CCDC149: variants seen among roughly 807,000 people sequenced by gnomAD.
CCDC149 encodes coiled-coil domain containing 149.
CCDC149 carries 45 observed loss-of-function variants against 59.9 expected under a neutral mutation model. The observed-to-expected ratio is 0.75, with a 90% confidence interval of 0.59 to 0.96. The LOEUF is 0.96. Ranked by LOEUF, CCDC149 falls within the 40% of genes least tolerant of loss-of-function variation. The probability of loss-of-function intolerance (pLI) is 0.00; values close to 1 mark genes in which losing one functional copy is unlikely to be tolerated. For synonymous variants in CCDC149, 245 were observed against 260.6 expected, an observed-to-expected ratio of 0.94 and a Z score of 0.58; for missense variants, 584 against 664.7, an observed-to-expected ratio of 0.88 and a Z score of 1.33.
chr4:24,922,971 T>C (rs1270168413), intron 1 of CCDC149, among the ~76,000 whole-genome samples: 2 of 152,118 alleles, frequency 1.3e-5, no homozygotes, highest in African/African-American at 4.8e-5. Flanking sequence ...ACCAGCAAAA[T>C]ACCAATTTAC....
chr4:24,811,471 G>A (rs1223783296), intron 12 of CCDC149, among the ~76,000 whole-genome samples: 2 of 151,966 alleles, frequency 1.3e-5, no homozygotes, highest in Non-Finnish European at 2.9e-5. Flanking sequence ...ATCTAGTTCT[G>A]TGAGCATGCT....
At chr4:24,955,213 C>T (rs999878487) in intron 1 of CCDC149, among the ~76,000 whole-genome samples, 2 of 152,168 alleles carry the variant, frequency 1.3e-5, no homozygotes, top group Non-Finnish European at 2.9e-5. Flanking sequence ...TGAGGGCCTT[C>T]TCACTGCATC....
intron 1 of CCDC149, among the ~76,000 whole-genome samples, chr4:24,944,042 A>G (rs144229051): frequency 0.068 from 10,419 of 152,302 alleles, 400 homozygotes; most frequent in Middle Eastern, 0.1. Context: ...CAGCCATCCC[A>G]TTACTGGGTA....
chr4:24,930,538 A>AT (rs1247926799), intron 1 of CCDC149, among the ~76,000 whole-genome samples: 1 of 152,074 alleles, frequency 6.6e-6, no homozygotes, highest in Non-Finnish European at 1.5e-5. Context: ...TAGGCAAATG[A>AT]TTTTTTTCTA....
chr4:24,906,364 A>AATTTTATTTTATTTT (rs1553859579), intron 1 of CCDC149, among the ~76,000 whole-genome samples: 1 of 42,028 alleles, frequency 2.4e-5, no homozygotes, highest in African/African-American at 9.1e-5. Context: ...CAGCGGAACA[A>AATTTTATTTTATTTT]ATTTTATTTT....
Position 24,893,613 on chromosome 4 carries a change from C to CTTTTTTTTTTTTTTTTTTTTTTTTTT in CCDC149, c.64-16917_64-16916insAAAAAAAAAAAAAAAAAAAAAAAAAA, listed in dbSNP as rs3066508. On this transcript the variant is annotated intron_variant, in intron 1 of 12. Transcript: ENST00000635206. Reference sequence around the variant, plus strand: ...CTTCTAGCACAATCTAAAATACAGACTTTTTTTTTTTTTTTTTTTTTGAGA... The same window carrying CTTTTTTTTTTTTTTTTTTTTTTTTTT: ...CTTCTAGCACAATCTAAAATACAGACTTTTTTTTTTTTTTTTTTTTTTTTTTTTTTTTTTTTTTTTTTTTTTTGAGA... Among the ~76,000 whole-genome samples the CTTTTTTTTTTTTTTTTTTTTTTTTTT allele has an allele frequency of 6.5e-4, 43 of 65,878 alleles. 10 individuals carry two copies. Among genetic ancestry groups the CTTTTTTTTTTTTTTTTTTTTTTTTTT allele is most frequent in the Non-Finnish European group, 7.1e-4 (27 of 38,274 alleles). 43.2% of individuals were successfully genotyped at this position (65,878 alleles called of 152,430 possible).
chr4:24,831,783 C>T (rs1209476378), intron 8 of CCDC149, 133 bp from the exon 9 acceptor site: 2 of 699,006 alleles, frequency 2.9e-6, no homozygotes, highest in Non-Finnish European at 4.4e-6. Context: ...TGAGAGTCCA[C>T]CTCAAGTGTC....
At chr4:24,922,959 T>C (rs1196047325) in intron 1 of CCDC149, among the ~76,000 whole-genome samples, 1 of 152,150 alleles carries the variant, frequency 6.6e-6, no homozygotes, top group African/African-American at 2.4e-5. Context: ...ACAAGATTGA[T>C]CACCAGCAAA....
At position 24,844,796 on chromosome 4, in the gene CCDC149, T is replaced by A. The variant is rs1717165827; in HGVS notation, c.373-6524A>T. Among the ~76,000 whole-genome samples the A allele has an allele frequency of 7.3e-5, 11 of 151,216 alleles. No individual in the cohort carries two copies. The South Asian group carries it at 1.9e-3, about 26-fold the overall frequency. Reference sequence around the variant, plus strand: ...CAAAATAAAATAAAATAAAATAAAATAAAAATAAAAATCAGTGGCCCACAG... The same window carrying A: ...CAAAATAAAATAAAATAAAATAAAAAAAAAATAAAAATCAGTGGCCCACAG... On this transcript the variant is annotated intron_variant, in intron 4 of 12. Transcript: ENST00000635206.
chr4:24,838,164 TA>T lies in CCDC149; in HGVS notation c.480del (p.Lys161ArgfsTer39). On this transcript the variant is annotated frameshift_variant, in exon 5 of 13. Coordinates refer to ENST00000635206, the MANE Select transcript of CCDC149 (RefSeq NM_001330643.2). LOFTEE classifies it high-confidence loss of function. ...TAGATGTTAGTGAGAACCTGTTCCT[TA>T]GCTCGCTCTAGCTGCTGCACCAAGT... 6.2e-7 allele frequency: 1 copy of T among 1,613,394 alleles called. No homozygotes were observed. Among genetic ancestry groups the T allele is most frequent in the Non-Finnish European group, 8.5e-7 (1 of 1,179,262 alleles).
intron 1 of CCDC149, among the ~76,000 whole-genome samples, chr4:24,924,839 G>A (rs1577487995): frequency 1.3e-5 from 2 of 152,242 alleles, no homozygotes; most frequent in Admixed American, 1.3e-4. Flanking sequence ...TGAGTATCAA[G>A]GTTTCATTTT....
intron 1 of CCDC149, among the ~76,000 whole-genome samples, chr4:24,896,621 A>G (rs952498519): frequency 2.6e-5 from 4 of 152,126 alleles, no homozygotes; most frequent in African/African-American, 9.7e-5. Context: ...GGCTTTTTTC[A>G]AGCAATATAT....
At chr4:24,880,811 C>T (rs951795245) in intron 1 of CCDC149, among the ~76,000 whole-genome samples, 2 of 152,156 alleles carry the variant, frequency 1.3e-5, no homozygotes, top group African/African-American at 4.8e-5. Flanking sequence ...TCATGAACTG[C>T]AGGTACCTTG....
chr4:24,915,994 A>T (rs1722110722), upstream of CCDC149, among the ~76,000 whole-genome samples: 1 of 152,236 alleles, frequency 6.6e-6, no homozygotes, highest in Non-Finnish European at 1.5e-5. Flanking sequence ...AAATAAACCC[A>T]TACACCAACT....
At chr4:24,964,386 T>C (rs1723738511) in intron 1 of CCDC149, among the ~76,000 whole-genome samples, 1 of 152,130 alleles carries the variant, frequency 6.6e-6, no homozygotes, top group Admixed American at 6.5e-5. Context: ...CAGAACCAAC[T>C]GTGTTCCTGG....
At chr4:24,824,058 G>T (rs1240556135) in intron 9 of CCDC149, among the ~76,000 whole-genome samples, 1 of 152,212 alleles carries the variant, frequency 6.6e-6, no homozygotes, top group Non-Finnish European at 1.5e-5. Context: ...AACGAGATCA[G>T]ATCATCTGTA....
chr4:24,908,827 T>C (rs1181471039), intron 1 of CCDC149, among the ~76,000 whole-genome samples: 1 of 152,268 alleles, frequency 6.6e-6, no homozygotes, highest in Non-Finnish European at 1.5e-5. Context: ...TGCTATCTAA[T>C]TAACCAAAAT....
chr4:24,830,276 G>A (rs1002338376), intron 9 of CCDC149: 2 of 152,278 alleles, frequency 1.3e-5, no homozygotes, highest in Non-Finnish European at 2.9e-5. Flanking sequence ...GCTCATGGAG[G>A]ACATTTCGTG....
intron 4 of CCDC149, 67 bp from the exon 5 acceptor site, chr4:24,838,339 G>A: frequency 8.6e-7 from 1 of 1,169,360 alleles, no homozygotes; most frequent in East Asian, 2.3e-5. Flanking sequence ...AAAAACCAAA[G>A]GACACTAAGA....
Sources: gnomAD v4.1 joint callset for allele counts (sites outside exome capture counted in the v4.1 genomes callset) on GRCh38, gnomAD v4.1.1 for gene constraint, MANE v1.5 for transcripts, NCBI Gene and HGNC (gene_info 2026-07-23, HGNC 2026-07-21) for gene names.